Variants in ZMIZ1 observed in about 807,000 individuals in gnomAD.
ZMIZ1 encodes the protein zinc finger MIZ-type containing 1.
Under a neutral mutation model 113.9 loss-of-function variants are expected in ZMIZ1, and 17 were observed. The ratio of observed to expected loss-of-function variants is 0.15; its 90% CI spans 0.10 to 0.22. The LOEUF (loss-of-function observed/expected upper bound fraction) is 0.22, where lower values mean the gene tolerates loss of function less well. ZMIZ1 is among the 10% of genes least tolerant of loss of function. The pLI is 1.00. For synonymous variants in ZMIZ1, 607 were observed against 603.1 expected (o/e 1.01, Z -0.09); for missense variants, 1,059 against 1,477.8 (o/e 0.72, Z 4.65).
chr10:79,209,092 G>C (rs184517917), intron 6 of ZMIZ1, among the ~76,000 whole-genome samples: 15 of 152,112 alleles, frequency 9.9e-5, no homozygotes, highest in African/African-American at 3.4e-4. Context: ...TGGCGGGGCA[G>C]GGTGCATAAA....
chr10:79,307,320 G>A (rs1451293399), intron 22 of ZMIZ1, 85 bp from the exon 23 acceptor site: 27 of 1,390,748 alleles, frequency 1.9e-5, no homozygotes, highest in Non-Finnish European at 2.7e-5. Flanking sequence ...GACTTGGCTT[G>A]TATTTTTACA....
At chr10:79,270,863 T>G (rs1851905657) in intron 7 of ZMIZ1, among the ~76,000 whole-genome samples, 1 of 152,036 alleles carries the variant, frequency 6.6e-6, no homozygotes, top group South Asian at 2.1e-4. Flanking sequence ...TGGGGAACTG[T>G]CCCCACTACC....
intron 18 of ZMIZ1, among the ~76,000 whole-genome samples, chr10:79,302,712 GA>G (rs1854397126): frequency 1.2e-5 from 1 of 82,990 alleles, no homozygotes; most frequent in African/African-American, 4.2e-5. Context: ...TTTTGAGAGA[GA>G]GAGAGAATGT....
At chr10:79,257,582 G>A (rs947515096) in intron 7 of ZMIZ1, among the ~76,000 whole-genome samples, 4 of 152,228 alleles carry the variant, frequency 2.6e-5, no homozygotes, top group African/African-American at 9.7e-5. Flanking sequence ...ATTGGGAGGT[G>A]ACTGATCTGG....
intron 4 of ZMIZ1, among the ~76,000 whole-genome samples, chr10:79,192,702 G>A (rs1564709984): frequency 6.6e-6 from 1 of 152,200 alleles, no homozygotes; most frequent in Admixed American, 6.5e-5. Context: ...AGTGGGGCAG[G>A]GAGGAGATGG....
chr10:79,191,298 C>T (rs911293369), intron 4 of ZMIZ1, among the ~76,000 whole-genome samples: 1 of 152,072 alleles, frequency 6.6e-6, no homozygotes, highest in African/African-American at 2.4e-5. Context: ...ATGGAGAATA[C>T]CTCCATTCCT....
intron 7 of ZMIZ1, among the ~76,000 whole-genome samples, chr10:79,268,197 T>C (rs1376050171): frequency 6.6e-6 from 1 of 152,224 alleles, no homozygotes; most frequent in African/African-American, 2.4e-5. Context: ...CGACCAGGGC[T>C]GTGGCTGGCC....
At position 79,116,689 on chromosome 10, in the gene ZMIZ1, A is replaced by AT. The variant is rs1245855640; in HGVS notation, c.-336-2226_-336-2225insT. Among the ~76,000 whole-genome samples, 69 of 152,302 alleles carry AT rather than the reference A, an allele frequency of 4.5e-4. 1 individual carries two copies. In the East Asian group the frequency reaches 0.013, roughly 29 times the overall value. ...TTGTCTTTAGTTCCATTGAAGTGTT[A>AT]CACCCATGCAGAAAAGTGTGTATCT... On this transcript the variant is annotated intron_variant, in intron 1 of 24. Transcript: ENST00000334512.
chr10:79,099,191 G>A (rs777711730), intron 1 of ZMIZ1, among the ~76,000 whole-genome samples: 32 of 152,102 alleles, frequency 2.1e-4, no homozygotes, highest in South Asian at 8.3e-4. Context: ...TTGGGTGTGC[G>A]CACATTCTGA....
At chr10:79,157,500 C>G (rs1233085828) in intron 3 of ZMIZ1, among the ~76,000 whole-genome samples, 2 of 152,090 alleles carry the variant, frequency 1.3e-5, no homozygotes, top group African/African-American at 4.8e-5. Flanking sequence ...GACCCTCTCC[C>G]CTTGTTGTCC....
intron 7 of ZMIZ1, among the ~76,000 whole-genome samples, chr10:79,261,029 G>A (rs1851228085): frequency 6.6e-6 from 1 of 152,118 alleles, no homozygotes; most frequent in South Asian, 2.1e-4. Context: ...CTCTCTTCAG[G>A]GCAGAGAGAG....
At chr10:79,221,433 C>T (rs1188458215) in intron 7 of ZMIZ1, among the ~76,000 whole-genome samples, 1 of 152,206 alleles carries the variant, frequency 6.6e-6, no homozygotes. Flanking sequence ...CGTGCGCGGG[C>T]GGGATCCTCC....
At chr10:79,079,155 G>C (rs1047539667) in intron 1 of ZMIZ1, among the ~76,000 whole-genome samples, 1 of 152,208 alleles carries the variant, frequency 6.6e-6, no homozygotes, top group African/African-American at 2.4e-5. Context: ...CCACAAATCT[G>C]TTTGTGGTTG....
rs772455076 is a variant in ZMIZ1, at chr10:79,302,223, G to T, written c.2125+11G>T. The stretch of plus-strand genomic sequence containing the variant: ...ACTGTATCACGAAAAGTGAGTCAGG[G>T]TGGGGACGGGGGTGAGGGCCAGACT... On this transcript the variant is annotated intron_variant, in intron 18 of 24. Coordinates refer to ENST00000334512, the MANE Select transcript of ZMIZ1 (RefSeq NM_020338.4). 1.9e-6 allele frequency: 3 copies of T among 1,611,700 alleles called. No individual in the cohort carries two copies. The highest frequency in any genetic ancestry group is 2.2e-5 in the East Asian group (1 of 44,876).
At chr10:79,153,296 C>T (rs1845778661) in intron 3 of ZMIZ1, among the ~76,000 whole-genome samples, 1 of 152,222 alleles carries the variant, frequency 6.6e-6, no homozygotes, top group Non-Finnish European at 1.5e-5. Context: ...TGGACTATGT[C>T]CTCCATCCCG....
chr10:79,071,814 G>T (rs1323401205), intron 1 of ZMIZ1, among the ~76,000 whole-genome samples: 1 of 152,166 alleles, frequency 6.6e-6, no homozygotes, highest in Non-Finnish European at 1.5e-5. Context: ...GGGAGATGGT[G>T]TTTTCTTCTG....
At chr10:79,113,455 G>A (rs1222265662) in intron 1 of ZMIZ1, among the ~76,000 whole-genome samples, 5 of 152,138 alleles carry the variant, frequency 3.3e-5, no homozygotes, top group African/African-American at 1.2e-4. Flanking sequence ...ACACCTGGAG[G>A]GTCCTGGCCT....
chr10:79,071,005 G>A (rs1017576507), intron 1 of ZMIZ1, among the ~76,000 whole-genome samples: 2 of 152,228 alleles, frequency 1.3e-5, no homozygotes, highest in Admixed American at 6.5e-5. Flanking sequence ...CTGGGCTGGC[G>A]GGGTGAGGGC....
In ZMIZ1 at chr10:79,175,604, G is replaced by GTGTA. The variant is rs1554862776; in HGVS notation, c.-50+13474_-50+13475insATGT. Among the ~76,000 whole-genome samples, 6 of 136,228 alleles carry GTGTA rather than the reference G, an allele frequency of 4.4e-5. No homozygotes were observed. The East Asian group carries it at 1.4e-3, about 33-fold the overall frequency. 89.4% of individuals were successfully genotyped at this position (136,228 alleles called of 152,430 possible). ...TCTGCGTGTGTGTGTGTGTGTGTGT[G>GTGTA]TGTGTGTGTGTGTGTGTGTGTGTGT... On this transcript the variant is annotated intron_variant, in intron 4 of 24. Transcript: ENST00000334512.
Sources: allele counts gnomAD v4.1 joint callset (sites outside exome capture counted in the v4.1 genomes callset), GRCh38; gene constraint gnomAD v4.1.1; transcripts MANE v1.5; gene names NCBI Gene and HGNC (gene_info 2026-07-23, HGNC 2026-07-21).